Variants in ACSF3 observed in about 807,000 individuals in gnomAD.
ACSF3 encodes acyl-CoA synthetase family member 3, also known as malonate--CoA ligase ACSF3, mitochondrial.
ACSF3 carries 78 observed loss-of-function variants against 53.2 expected under a neutral mutation model. The ratio of observed to expected loss-of-function variants is 1.47; its 90% confidence interval spans 1.22 to 1.77. The LOEUF (loss-of-function observed/expected upper bound fraction) is 1.77, where lower values mean the gene tolerates loss of function less well. ACSF3 is among the 40% of genes most tolerant of loss of function. The pLI, the probability that ACSF3 is intolerant of heterozygous loss-of-function variation, is 0.00. For synonymous variants in ACSF3, 414 were observed against 333.1 expected, an observed-to-expected ratio of 1.24 and a Z score of -2.65; for missense variants, 937 against 771.1, an observed-to-expected ratio of 1.22 and a Z score of -2.55.
chr16:89,146,124 T>C (rs1464106369), intron 10 of ACSF3, 75 bp downstream of exon 10: 3 of 1,091,558 alleles, frequency 2.7e-6, no homozygotes, highest in African/African-American at 3.1e-5. Context: ...CCCTAGGTAT[T>C]GGCATCGTCC....
Position 89,100,688 on chromosome 16 carries a change from C to G in ACSF3, c.7C>G (p.Pro3Ala). ML[P>A]HVVLTFRRLG... Reference sequence around the variant, plus strand: ...TCGGCCGCCTGTCAGTGCAATGCTGCCCCATGTGGTGCTCACCTTCCGGCG... The same window carrying G: ...TCGGCCGCCTGTCAGTGCAATGCTGGCCCATGTGGTGCTCACCTTCCGGCG... The change falls in exon 3 of 11, where the codon CCC (proline) becomes GCC (alanine). Residue 3 changes from proline (P) to alanine (A), a missense_variant. Pro to Ala is a conservative substitution (Grantham distance 27). Transcript: ENST00000614302. The G allele has an allele frequency of 6.6e-7, 1 of 1,521,494 alleles. No homozygotes were observed. Among genetic ancestry groups the G allele is most frequent in the Non-Finnish European group, 8.8e-7 (1 of 1,141,002 alleles). The allele number at this position is 1,521,494 out of a possible 1,614,324, so 94.2% of individuals were successfully genotyped here. A position where few individuals can be genotyped will look rare whatever the true frequency, so the allele number is the denominator to read the frequency against.
At chr16:89,136,605 G>A in intron 8 of ACSF3, 1 of 1,286,582 alleles carries the variant, frequency 7.8e-7, no homozygotes, top group Non-Finnish European at 1.0e-6. Flanking sequence ...GACAGCCAGG[G>A]ATGGCTGGAC....
At chr16:89,139,571 AC>A (rs1360415302) in intron 8 of ACSF3, among the ~76,000 whole-genome samples, 9 of 123,712 alleles carry the variant, frequency 7.3e-5, no homozygotes, top group African/African-American at 2.5e-4. Flanking sequence ...GCACTTGGTG[AC>A]CCCCTCCTTT....
chr16:89,122,245 G>T, intron 7 of ACSF3: 2 of 229,574 alleles, frequency 8.7e-6, no homozygotes, highest in East Asian at 2.7e-4. Context: ...CGCACAGTGT[G>T]TCCCGCCTGG....
chr16:89,109,763 T>C (rs1567697250), intron 4 of ACSF3, among the ~76,000 whole-genome samples: 2 of 152,182 alleles, frequency 1.3e-5, no homozygotes, highest in South Asian at 4.1e-4. Flanking sequence ...TTTTAAATTA[T>C]TTTTGCAGAA....
rs537999807 is a variant in ACSF3, at chr16:89,114,688, C to T, written c.1126+201C>T. The T allele has an allele frequency of 9.6e-5, 72 of 747,810 alleles. No homozygotes were observed. The African/African-American group carries it at 1.2e-3, about 12-fold the overall frequency. 46.3% of individuals were successfully genotyped at this position (747,810 alleles called of 1,614,324 possible). A position where few individuals can be genotyped will look rare whatever the true frequency, so the allele number is the denominator to read the frequency against. ...GGTAGATCAGCCTTCTCCCAAGTCT[C>T]AGTCGGGTGGATGGGGGAGGTGTCT... On this transcript the variant is annotated intron_variant, in intron 6 of 10. Coordinates refer to ENST00000614302, the MANE Select transcript of ACSF3 (RefSeq NM_001243279.3).
At chr16:89,114,536 C>T in intron 6 of ACSF3, 49 bp downstream of exon 6, 2 of 1,602,888 alleles carry the variant, frequency 1.2e-6, no homozygotes, top group Non-Finnish European at 1.7e-6. Flanking sequence ...TGCTCTGAGC[C>T]CCCCAAGGTG....
intron 10 of ACSF3, chr16:89,150,860 C>A: frequency 3.0e-6 from 2 of 656,874 alleles, no homozygotes; most frequent in Non-Finnish European, 4.5e-6. Flanking sequence ...GACTGCAGTG[C>A]TTGTCCATTC....
Position 89,155,944 on chromosome 16 carries a change from C to T in ACSF3, c.*1737C>T, listed in dbSNP as rs932067780. 3.6e-5 allele frequency: 13 copies of T among 365,282 alleles called. No homozygotes were observed. The highest frequency in any genetic ancestry group is 1.6e-5 in the Non-Finnish European group (3 of 187,864). 22.6% of individuals were successfully genotyped at this position (365,282 alleles called of 1,614,324 possible). A position where few individuals can be genotyped will look rare whatever the true frequency, so the allele number is the denominator to read the frequency against. Reference sequence around the variant, plus strand: ...CCTGGAGCTCATTGACCAGAAACTGCAGAGAGCCTGGAGCTCGTTGACCAC... The same window carrying T: ...CCTGGAGCTCATTGACCAGAAACTGTAGAGAGCCTGGAGCTCGTTGACCAC... On this transcript the variant is annotated 3_prime_UTR_variant, in exon 11 of 11. Coordinates refer to ENST00000614302, the MANE Select transcript of ACSF3 (RefSeq NM_001243279.3).
chr16:89,126,879 C>G (rs2067420927), intron 7 of ACSF3, among the ~76,000 whole-genome samples: 1 of 152,206 alleles, frequency 6.6e-6, no homozygotes. Flanking sequence ...AGGATTCAGT[C>G]TTTCAGCAAG....
At chr16:89,138,295 C>T (rs1911038071) in intron 8 of ACSF3, among the ~76,000 whole-genome samples, 1 of 152,198 alleles carries the variant, frequency 6.6e-6, no homozygotes, top group South Asian at 2.1e-4. Flanking sequence ...GCTGTCCCCT[C>T]GTCCAGGGGA....
At chr16:89,104,852 C>T (rs985033845) in intron 4 of ACSF3, among the ~76,000 whole-genome samples, 1 of 152,262 alleles carries the variant, frequency 6.6e-6, no homozygotes, top group East Asian at 1.9e-4. Context: ...GTATGTAGAA[C>T]AGCTTTGTAC....
intron 10 of ACSF3, among the ~76,000 whole-genome samples, chr16:89,146,809 A>G (rs1404407079): frequency 6.6e-6 from 1 of 152,120 alleles, no homozygotes; most frequent in Non-Finnish European, 1.5e-5. Context: ...CATGGGATCC[A>G]CAGACCCTCC....
chr16:89,139,820 C>G (rs1471567752), intron 8 of ACSF3, among the ~76,000 whole-genome samples: 1 of 152,092 alleles, frequency 6.6e-6, no homozygotes, highest in Non-Finnish European at 1.5e-5. Flanking sequence ...GTCTCGATCT[C>G]CTGACCTCGT....
rs536631241 is a variant in ACSF3, at chr16:89,144,192, G to C, written c.1367-1075G>C. Among the ~76,000 whole-genome samples, 3 of 152,222 alleles carry C rather than the reference G, an allele frequency of 2.0e-5. No homozygotes were observed. The South Asian group carries it at 6.2e-4, about 31-fold the overall frequency. On this transcript the variant is annotated intron_variant, in intron 8 of 10. Transcript: ENST00000614302. ...TCTGAGGCTGCAGCCCGCTCTTCCC[G>C]ACTCCCCACCCTCAGTGGCTGGTGG...
intron 3 of ACSF3, among the ~76,000 whole-genome samples, chr16:89,102,112 T>C (rs927509374): frequency 5.3e-5 from 8 of 152,252 alleles, no homozygotes; most frequent in Admixed American, 2.6e-4. Flanking sequence ...TGCCTCACGC[T>C]GCTTCTCAGT....
At chr16:89,132,469 C>T (rs1372013040) in intron 7 of ACSF3, among the ~76,000 whole-genome samples, 1 of 152,206 alleles carries the variant, frequency 6.6e-6, no homozygotes. Context: ...GCTCATATAA[C>T]CCAGCCTCCC....
At chr16:89,131,812 G>A (rs989925798) in intron 7 of ACSF3, among the ~76,000 whole-genome samples, 2 of 152,396 alleles carry the variant, frequency 1.3e-5, no homozygotes, top group South Asian at 2.1e-4. Flanking sequence ...ACGAAATTCA[G>A]ATAAAGTCCG....
At position 89,155,784 on chromosome 16, in the gene ACSF3, C is replaced by T; in HGVS notation, c.*1577C>T. On this transcript the variant is annotated 3_prime_UTR_variant, in exon 11 of 11. Coordinates refer to ENST00000614302, the MANE Select transcript of ACSF3 (RefSeq NM_001243279.3). The stretch of plus-strand genomic sequence containing the variant: ...ACTAATTTTACATTTGCATCTCTCT[C>T]CTTTAATCCTGAAACTTTTGATTCC... 1 of 448,842 alleles carries T rather than the reference C, an allele frequency of 2.2e-6. No homozygotes were observed. The allele number at this position is 448,842 out of a possible 1,614,324, so 27.8% of individuals were successfully genotyped here.
Sources: allele counts gnomAD v4.1 joint callset (sites outside exome capture counted in the v4.1 genomes callset), GRCh38; gene constraint gnomAD v4.1.1; transcripts MANE v1.5; gene names NCBI Gene and HGNC (gene_info 2026-07-23, HGNC 2026-07-21).